Variants in PGBD5 observed in about 807,000 individuals in gnomAD.
The protein encoded by PGBD5 is piggyBac transposable element-derived protein 5.
Under a neutral mutation model 47.9 loss-of-function variants are expected in PGBD5, and 14 were observed. The observed-to-expected ratio is 0.29, with a 90% CI of 0.19 to 0.46. The LOEUF is 0.46. PGBD5 is among the 20% of genes least tolerant of loss of function. The probability of loss-of-function intolerance (pLI) is 1.00; values close to 1 mark genes in which losing one functional copy is unlikely to be tolerated. For missense variants in PGBD5, 635 were observed against 716.0 expected (o/e 0.89, Z 1.29); for synonymous variants, 316 against 306.3 (o/e 1.03, Z -0.33).
chr1:230,345,722 TCCCAGTCAGCCAGGCGATC>T (rs1475190990), intron 3 of PGBD5, among the ~76,000 whole-genome samples: 66 of 152,336 alleles, frequency 4.3e-4, no homozygotes, highest in African/African-American at 1.5e-3. Context: ...GAGCTGCAGC[TCCCAGTCAGCCAGGCGATC>T]ACGAGGGTAA....
Position 230,337,179 on chromosome 1 carries a change from C to T in PGBD5, c.1004G>A (p.Gly335Asp), listed in dbSNP as rs1215925441. 3 of 1,614,226 alleles carry T rather than the reference C, an allele frequency of 1.9e-6. No individual in the cohort carries two copies. The highest frequency in any genetic ancestry group is 8.5e-7 in the Non-Finnish European group (1 of 1,180,042). Residue 335 changes from glycine to aspartate, a missense_variant, in exon 4 of 7, where the codon GGC (glycine) becomes GAC (aspartate). Transcript: ENST00000391860. ...CCCCGTGAAAATGATGTAGTTCTTG[C>T]CTGCCGCGTTCCGGCACAGGCTCCT... ...VARSLCRNAA[G>D]KNYIIFTGPS...
chr1:230,327,206 A>G (rs1250772969), intron 5 of PGBD5, among the ~76,000 whole-genome samples: 1 of 150,038 alleles, frequency 6.7e-6, no homozygotes, highest in East Asian at 2.0e-4. Context: ...GCACAGTGCC[A>G]TTTTTCTGTA....
chr1:230,418,641 C>T lies in PGBD5; in HGVS notation c.331+6957G>A, dbSNP rs114125734. 6.2e-3 allele frequency among the ~76,000 whole-genome samples: 945 copies of T among 152,294 alleles called. 5 individuals carry two copies. Among genetic ancestry groups the T allele is most frequent in the Middle Eastern group, 0.01 (3 of 294 alleles). On this transcript the variant is annotated intron_variant, in intron 1 of 6. Coordinates refer to ENST00000391860, the MANE Select transcript of PGBD5 (RefSeq NM_001258311.2). ...CTGGGACTACAGGCATTCACCACCA[C>T]GCTTGGCTAATTTTTTAGAATATTT...
intron 3 of PGBD5, among the ~76,000 whole-genome samples, chr1:230,338,497 T>C (rs1449671862): frequency 2.0e-5 from 3 of 152,172 alleles, no homozygotes; most frequent in African/African-American, 7.2e-5. Context: ...ACCTCTTCCA[T>C]TGTGAAAGCC....
chr1:230,423,912 T>C (rs1231827923), intron 1 of PGBD5, among the ~76,000 whole-genome samples: 2 of 152,204 alleles, frequency 1.3e-5, no homozygotes, highest in African/African-American at 4.8e-5. Context: ...AGTGCTGCGG[T>C]GGCTGGATTA....
At chr1:230,407,317 G>C (rs761545930) in intron 1 of PGBD5, among the ~76,000 whole-genome samples, 1 of 152,118 alleles carries the variant, frequency 6.6e-6, no homozygotes. Context: ...TGATTATCAT[G>C]AACAAATTAT....
Position 230,372,271 on chromosome 1 carries a change from A to G in PGBD5, c.332-14950T>C, listed in dbSNP as rs191276797. The stretch of plus-strand genomic sequence containing the variant: ...GAGTGCACTGTGAGCCTGTTTACAG[A>G]GCAGTTTCGTTGCTGGTGAATTTTT... On this transcript the variant is annotated intron_variant, in intron 1 of 6. Transcript: ENST00000391860. Among the ~76,000 whole-genome samples, 11 of 152,316 alleles carry G rather than the reference A, an allele frequency of 7.2e-5. No homozygotes were observed. In the East Asian group the frequency reaches 2.1e-3, roughly 29 times the overall value.
At chr1:230,328,189 C>G (rs1667154304) in intron 5 of PGBD5, among the ~76,000 whole-genome samples, 1 of 152,214 alleles carries the variant, frequency 6.6e-6, no homozygotes, top group African/African-American at 2.4e-5. Flanking sequence ...CCAATAAGAG[C>G]AGAGGCTCCT....
intron 2 of PGBD5, among the ~76,000 whole-genome samples, chr1:230,355,364 T>C (rs940548679): frequency 1.3e-5 from 2 of 152,236 alleles, no homozygotes; most frequent in Non-Finnish European, 2.9e-5. Flanking sequence ...GGACTTACAC[T>C]GCAGATACCT....
At chr1:230,333,348 A>G (rs1299849489) in intron 4 of PGBD5, among the ~76,000 whole-genome samples, 2 of 152,102 alleles carry the variant, frequency 1.3e-5, no homozygotes, top group African/African-American at 2.4e-5. Flanking sequence ...TGTCACCTGG[A>G]CCCTCACTTG....
chr1:230,355,135 C>T (rs1477435321), intron 2 of PGBD5, among the ~76,000 whole-genome samples: 2 of 152,182 alleles, frequency 1.3e-5, no homozygotes, highest in African/African-American at 4.8e-5. Flanking sequence ...CCCGGTACTG[C>T]CCATCTGAGC....
At chr1:230,342,279 T>C (rs1571831134) in intron 3 of PGBD5, among the ~76,000 whole-genome samples, 1 of 152,220 alleles carries the variant, frequency 6.6e-6, no homozygotes. Context: ...AGTTCAGCTA[T>C]ACTGGTCTTG....
chr1:230,332,016 C>CCA (rs891442797), intron 5 of PGBD5, among the ~76,000 whole-genome samples: 1 of 11,614 alleles, frequency 8.6e-5, no homozygotes, highest in Admixed American at 2.0e-3. Flanking sequence ...AACATACACA[C>CCA]CACACACACC....
At chr1:230,399,763 G>A (rs1037598291) in intron 1 of PGBD5, among the ~76,000 whole-genome samples, 3 of 152,248 alleles carry the variant, frequency 2.0e-5, no homozygotes, top group South Asian at 2.1e-4. Flanking sequence ...ACAAAATGAC[G>A]CCTATTTCTC....
chr1:230,330,771 G>A (rs1667201868), intron 5 of PGBD5, among the ~76,000 whole-genome samples: 1 of 152,188 alleles, frequency 6.6e-6, no homozygotes, highest in Non-Finnish European at 1.5e-5. Flanking sequence ...CTACAGTGAT[G>A]CTGTGGTCAT....
rs374365889 is a variant in PGBD5 at position 230,325,422 on chromosome 1, G to C, written c.1274-7C>G. 1.5e-5 allele frequency: 24 copies of C among 1,606,378 alleles called. No homozygotes were observed. Among genetic ancestry groups the C allele is most frequent in the Non-Finnish European group, 2.0e-5 (24 of 1,174,254 alleles). Reference sequence around the variant, plus strand: ...TTCCTTTTGATGATGACTCCTGAAGGCGAGAGACAAGATAAGCCCCTTCCT... The same window carrying C: ...TTCCTTTTGATGATGACTCCTGAAGCCGAGAGACAAGATAAGCCCCTTCCT... On this transcript the variant is annotated splice_region_variant and splice_polypyrimidine_tract_variant and intron_variant, in intron 5 of 6. Coordinates refer to ENST00000391860, the MANE Select transcript of PGBD5 (RefSeq NM_001258311.2).
At position 230,315,613 on chromosome 1, in the gene PGBD5, G is replaced by C. The variant is rs1348303023; in HGVS notation, c.*7812C>G. 6.6e-6 allele frequency: 1 copy of C among 151,898 alleles called. No homozygotes were observed. The highest frequency in any genetic ancestry group is 6.6e-5 in the Admixed American group (1 of 15,260). The allele number at this position is 151,898 out of a possible 1,614,324, so 9.4% of individuals were successfully genotyped here. On this transcript the variant is annotated 3_prime_UTR_variant, in exon 7 of 7. Coordinates refer to ENST00000391860, the MANE Select transcript of PGBD5 (RefSeq NM_001258311.2). ...AATGGGGGCCAGGACTGGACATGTG[G>C]TTTGATTGCTAAGGACCTAGCAGAG...
chr1:230,416,308 G>C (rs570263571), intron 1 of PGBD5, among the ~76,000 whole-genome samples: 16 of 152,270 alleles, frequency 1.1e-4, no homozygotes, highest in African/African-American at 3.4e-4. Context: ...CACTATTTTG[G>C]ATGTTGGAAA....
At chr1:230,373,234 C>T (rs899798402) in intron 1 of PGBD5, among the ~76,000 whole-genome samples, 3 of 152,186 alleles carry the variant, frequency 2.0e-5, no homozygotes, top group Admixed American at 2.0e-4. Context: ...GTCACCTGCA[C>T]CTCACACACT....
Sources: gnomAD v4.1 joint callset for allele counts (sites outside exome capture counted in the v4.1 genomes callset) on GRCh38, gnomAD v4.1.1 for gene constraint, MANE v1.5 for transcripts, NCBI Gene and HGNC (gene_info 2026-07-23, HGNC 2026-07-21) for gene names.